P2RY14: variants seen among roughly 807,000 people sequenced by gnomAD.
P2RY14 encodes the protein purinergic receptor P2Y14.
P2RY14 carries 2 observed loss-of-function variants against 0.9 expected under a neutral mutation model. The ratio of observed to expected loss-of-function variants is 2.16; its 90% CI spans 0.88 to 6.79. P2RY14 has a LOEUF of 6.79. Ranked by LOEUF, P2RY14 falls within the 30% of genes most tolerant of loss-of-function variation. The pLI, the probability that P2RY14 is intolerant of heterozygous loss-of-function variation, is 0.05. For synonymous variants in P2RY14, 158 were observed against 147.2 expected, an observed-to-expected ratio of 1.07 and a Z score of -0.53; for missense variants, 378 against 400.1, an observed-to-expected ratio of 0.94 and a Z score of 0.47.
At chr3:151,273,407 T>TTGTA (rs1278611920) in intron 1 of P2RY14, among the ~76,000 whole-genome samples, 3 of 146,614 alleles carry the variant, frequency 2.0e-5, no homozygotes, top group Non-Finnish European at 4.5e-5. Flanking sequence ...TTTGTATTTT[T>TTGTA]TTTTTTTTTT....
rs1319938818 is a variant in P2RY14 at position 151,269,430 on chromosome 3, CACACACACACAA to C, written c.-133+8845_-133+8856del. ...ACACACACACACACACACACACACA[CACACACACACAA>C]AATTCAGAGACTTAATGAACAAGCC... On this transcript the variant is annotated intron_variant, in intron 1 of 2. Transcript: ENST00000309170. 1.0e-3 allele frequency: 220 copies of C among 218,860 alleles called. 2 individuals carry two copies. Among genetic ancestry groups the C allele is most frequent in the African/African-American group, 5.0e-3 (211 of 41,868 alleles). 13.6% of individuals were successfully genotyped at this position (218,860 alleles called of 1,614,324 possible).
intron 1 of P2RY14, among the ~76,000 whole-genome samples, chr3:151,267,016 A>T (rs1319267815): frequency 6.6e-6 from 1 of 152,242 alleles, no homozygotes; most frequent in East Asian, 1.9e-4. Context: ...TTGACAAATT[A>T]CATCTATACT....
In P2RY14 at chr3:151,274,759, A is replaced by G. The variant is rs78966477; in HGVS notation, c.-133+3528T>C. Among the ~76,000 whole-genome samples, 451 of 152,320 alleles carry G rather than the reference A, an allele frequency of 3.0e-3. 2 individuals are homozygous for G. Among genetic ancestry groups the G allele is most frequent in the African/African-American group, 0.01 (434 of 41,572 alleles). Reference sequence around the variant, plus strand: ...AGATTGTTGTCATAATTGAATGACTATCAATTCCTAGGAGTGATGATGTTA... The same window carrying G: ...AGATTGTTGTCATAATTGAATGACTGTCAATTCCTAGGAGTGATGATGTTA... On this transcript the variant is annotated intron_variant, in intron 1 of 2. Transcript: ENST00000309170.
chr3:151,232,303 C>G (rs1398496509), intron 1 of P2RY14, among the ~76,000 whole-genome samples: 1 of 152,180 alleles, frequency 6.6e-6, no homozygotes, highest in Non-Finnish European at 1.5e-5. Context: ...ATTTACCCTC[C>G]CACCAATGTG....
chr3:151,261,211 A>G (rs1738816591), intron 1 of P2RY14, among the ~76,000 whole-genome samples: 1 of 152,098 alleles, frequency 6.6e-6, no homozygotes, highest in Non-Finnish European at 1.5e-5. Context: ...CAGATTAGAG[A>G]GGTATTTTGC....
intron 2 of P2RY14, among the ~76,000 whole-genome samples, chr3:151,215,443 T>C (rs187044345): frequency 2.0e-5 from 3 of 152,308 alleles, no homozygotes; most frequent in Admixed American, 1.3e-4. Context: ...AAATAAAATA[T>C]ATTATTACTC....
intron 1 of P2RY14, among the ~76,000 whole-genome samples, chr3:151,235,845 G>T (rs2149350179): frequency 6.6e-6 from 1 of 152,204 alleles, no homozygotes; most frequent in South Asian, 2.1e-4. Flanking sequence ...TTCTCAGCAA[G>T]GCCTTTCCTG....
intron 1 of P2RY14, among the ~76,000 whole-genome samples, chr3:151,223,139 CT>C (rs367651382): frequency 1.8e-4 from 26 of 143,414 alleles, no homozygotes; most frequent in African/African-American, 6.8e-4. Context: ...ATCATATATT[CT>C]AACTTTACAA....
intron 1 of P2RY14, among the ~76,000 whole-genome samples, chr3:151,231,782 A>G (rs1489025824): frequency 1.3e-5 from 2 of 152,230 alleles, no homozygotes; most frequent in Non-Finnish European, 2.9e-5. Flanking sequence ...CTGAGTAATA[A>G]TCTTCCCAGA....
chr3:151,215,819 C>T (rs1031864389), intron 2 of P2RY14, among the ~76,000 whole-genome samples: 1 of 152,204 alleles, frequency 6.6e-6, no homozygotes, highest in Non-Finnish European at 1.5e-5. Context: ...GCTTCCTCCA[C>T]CCCCAGCACT....
chr3:151,243,324 C>G (rs1734628446), intron 1 of P2RY14, among the ~76,000 whole-genome samples: 1 of 150,740 alleles, frequency 6.6e-6, no homozygotes, highest in Non-Finnish European at 1.5e-5. Context: ...TCAGATTCAC[C>G]AAAGTTGAAA....
intron 1 of P2RY14, among the ~76,000 whole-genome samples, chr3:151,264,885 T>C (rs149044745): frequency 6.6e-6 from 1 of 152,348 alleles, no homozygotes; most frequent in African/African-American, 2.4e-5. Context: ...CTGTACCTCC[T>C]GTGGCCACTG....
chr3:151,272,282 CTCAAG>C (rs1741094116), intron 1 of P2RY14, among the ~76,000 whole-genome samples: 1 of 152,150 alleles, frequency 6.6e-6, no homozygotes, highest in Admixed American at 6.5e-5. Context: ...GTCAAGGTTT[CTCAAG>C]TCAAGAGGTC....
At chr3:151,247,754 T>C (rs1305327440) in intron 1 of P2RY14, among the ~76,000 whole-genome samples, 1 of 128,412 alleles carries the variant, frequency 7.8e-6, no homozygotes, top group Non-Finnish European at 1.7e-5. Flanking sequence ...TAAAACTTAA[T>C]GTATAATAAA....
chr3:151,237,902 T>G (rs924371415), intron 1 of P2RY14, among the ~76,000 whole-genome samples: 8 of 152,230 alleles, frequency 5.3e-5, no homozygotes, highest in Admixed American at 5.2e-4. Context: ...TTGGGTTGTT[T>G]ATGCTGTTAC....
Position 151,263,282 on chromosome 3 carries a change from C to CA in P2RY14, c.-133+15004dup, listed in dbSNP as rs552298752. 6.5e-3 allele frequency among the ~76,000 whole-genome samples: 989 copies of CA among 152,238 alleles called. 8 individuals are homozygous for CA. Among genetic ancestry groups the CA allele is most frequent in the South Asian group, 0.014 (67 of 4,824 alleles). On this transcript the variant is annotated intron_variant, in intron 1 of 2. Coordinates refer to ENST00000309170, the MANE Select transcript of P2RY14 (RefSeq NM_014879.4). ...GCACGTGAAACTGCTGAAATAATGC[C>CA]AGCTGAGTGGACCTCCCCAGAGTGT...
chr3:151,229,051 C>T (rs896219741), intron 1 of P2RY14, among the ~76,000 whole-genome samples: 1 of 152,324 alleles, frequency 6.6e-6, no homozygotes, highest in East Asian at 1.9e-4. Flanking sequence ...GAGAAAACAA[C>T]AGCTTTAACT....
chr3:151,241,202 T>G (rs1009167708), intron 1 of P2RY14, among the ~76,000 whole-genome samples: 11 of 152,240 alleles, frequency 7.2e-5, no homozygotes, highest in African/African-American at 2.7e-4. Flanking sequence ...TTTGAGACTA[T>G]ATCTCTTTAG....
intron 1 of P2RY14, among the ~76,000 whole-genome samples, chr3:151,264,347 C>T (rs1432756530): frequency 2.0e-5 from 3 of 152,210 alleles, no homozygotes; most frequent in African/African-American, 7.2e-5. Flanking sequence ...GACATGCCAT[C>T]TTTTAAATGG....
Sources: gnomAD v4.1 joint callset for allele counts (sites outside exome capture counted in the v4.1 genomes callset) on GRCh38, gnomAD v4.1.1 for gene constraint, MANE v1.5 for transcripts, NCBI Gene and HGNC (gene_info 2026-07-23, HGNC 2026-07-21) for gene names.